Variants in SH3GL3 observed in about 807,000 individuals in gnomAD.
SH3GL3 encodes the protein SH3 domain containing GRB2 like 3, endophilin A3, also known as endophilin-A3.
In SH3GL3, 33 loss-of-function variants were observed where a neutral mutation model predicts 47.7. The ratio of observed to expected loss-of-function variants is 0.69; its 90% CI spans 0.52 to 0.92. The LOEUF (loss-of-function observed/expected upper bound fraction) is 0.92, where lower values mean the gene tolerates loss of function less well. Ranked by LOEUF, SH3GL3 falls within the 40% of genes least tolerant of loss-of-function variation. The pLI is 0.00. For synonymous variants in SH3GL3, 155 were observed against 148.8 expected, an observed-to-expected ratio of 1.04 and a Z score of -0.30; for missense variants, 363 against 417.8, an observed-to-expected ratio of 0.87 and a Z score of 1.14.
intron 2 of SH3GL3, among the ~76,000 whole-genome samples, chr15:83,562,067 ACACACACACACACACT>A (rs1259721780): frequency 1.1e-4 from 15 of 137,580 alleles, no homozygotes; most frequent in Non-Finnish European, 2.2e-4. Flanking sequence ...ACACACACAC[ACACACACACACACACT>A]ATAGTGTCCC....
chr15:83,483,944 C>A (rs886087101), intron 1 of SH3GL3, among the ~76,000 whole-genome samples: 1 of 152,178 alleles, frequency 6.6e-6, no homozygotes, highest in African/African-American at 2.4e-5. Flanking sequence ...AGTCCTATGG[C>A]CATTCCAGGG....
intron 1 of SH3GL3, among the ~76,000 whole-genome samples, chr15:83,538,305 A>C (rs2044012726): frequency 6.6e-6 from 1 of 152,234 alleles, no homozygotes; most frequent in Non-Finnish European, 1.5e-5. Flanking sequence ...GGATAAATGC[A>C]ATCAATGTAA....
At chr15:83,606,431 C>T (rs1398489696) in intron 8 of SH3GL3, among the ~76,000 whole-genome samples, 1 of 152,116 alleles carries the variant, frequency 6.6e-6, no homozygotes, top group Non-Finnish European at 1.5e-5. Flanking sequence ...GAACACTTTG[C>T]AAATAGAAAT....
intron 1 of SH3GL3, among the ~76,000 whole-genome samples, chr15:83,450,877 C>T (rs1464777823): frequency 8.5e-6 from 1 of 118,078 alleles, no homozygotes; most frequent in Non-Finnish European, 1.7e-5. Context: ...CATATGTATA[C>T]ATGTGCCATG....
chr15:83,629,559 C>T, the SH3GL3 span, among the ~76,000 whole-genome samples: 1 of 152,114 alleles, frequency 6.6e-6, no homozygotes, highest in East Asian at 1.9e-4. Flanking sequence ...GTGGCTAATC[C>T]CTGTAAACCC....
intron 1 of SH3GL3, among the ~76,000 whole-genome samples, chr15:83,547,493 C>G (rs574809633): frequency 6.6e-6 from 1 of 152,360 alleles, no homozygotes; most frequent in South Asian, 2.1e-4. Context: ...TTCCTATCCT[C>G]TTCAGTGCCT....
At chr15:83,493,814 G>A (rs2041975716) in intron 1 of SH3GL3, among the ~76,000 whole-genome samples, 1 of 152,194 alleles carries the variant, frequency 6.6e-6, no homozygotes, top group Admixed American at 6.5e-5. Flanking sequence ...CCAGGTTGTG[G>A]GCCTTCTCCT....
At chr15:83,587,525 TAAAAAAAAAAAAA>T (rs35935527) in intron 7 of SH3GL3, among the ~76,000 whole-genome samples, 1 of 105,032 alleles carries the variant, frequency 9.5e-6, no homozygotes, top group African/African-American at 3.6e-5. Flanking sequence ...TAAATATCTG[TAAAAAAAAAAAAA>T]AAAAAAAAAG....
intron 1 of SH3GL3, chr15:83,489,363 C>T (rs74024503): frequency 6.6e-6 from 1 of 152,298 alleles, no homozygotes; most frequent in African/African-American, 2.4e-5. Context: ...TGCTGTGACC[C>T]TCCACTTCTC....
chr15:83,632,904 G>T, the SH3GL3 span, among the ~76,000 whole-genome samples: 30 of 152,226 alleles, frequency 2.0e-4, no homozygotes, highest in African/African-American at 5.3e-4. Flanking sequence ...GGAGAGACAC[G>T]CCACAAAAGA....
At chr15:83,453,573 A>G (rs1257423132) in intron 1 of SH3GL3, among the ~76,000 whole-genome samples, 4 of 151,824 alleles carry the variant, frequency 2.6e-5, no homozygotes, top group South Asian at 2.1e-4. Context: ...CATTTCTTCT[A>G]GATTTTCTGA....
At chr15:83,591,394 A>G (rs2060092798) in intron 8 of SH3GL3, among the ~76,000 whole-genome samples, 1 of 151,940 alleles carries the variant, frequency 6.6e-6, no homozygotes, top group African/African-American at 2.4e-5. Context: ...ATGGATGTCC[A>G]ATTGCCCTTT....
intron 1 of SH3GL3, among the ~76,000 whole-genome samples, chr15:83,466,805 A>T (rs2040589733): frequency 6.6e-6 from 1 of 152,162 alleles, no homozygotes; most frequent in Non-Finnish European, 1.5e-5. Context: ...ATTGCTTGTG[A>T]TGTTGAATAG....
At chr15:83,586,475 C>T (rs958253982) in intron 6 of SH3GL3, among the ~76,000 whole-genome samples, 21 of 152,286 alleles carry the variant, frequency 1.4e-4, no homozygotes, top group Admixed American at 1.3e-3. Context: ...ACAGGGAAAT[C>T]TTTGCCCCAG....
chr15:83,607,109 G>A (rs1010945980), intron 8 of SH3GL3, among the ~76,000 whole-genome samples: 2 of 152,120 alleles, frequency 1.3e-5, no homozygotes, highest in Non-Finnish European at 2.9e-5. Context: ...GTTTTGAAAA[G>A]CCGTAAGACA....
At chr15:83,552,393 T>C (rs544077971) in intron 1 of SH3GL3, among the ~76,000 whole-genome samples, 2 of 152,366 alleles carry the variant, frequency 1.3e-5, no homozygotes, top group Admixed American at 1.3e-4. Context: ...TGGGGTTTTC[T>C]TTTTAATCTG....
At position 83,484,842 on chromosome 15, in the gene SH3GL3, A is replaced by G. The variant is rs536971758; in HGVS notation, c.45+37264A>G. On this transcript the variant is annotated intron_variant, in intron 1 of 8. Coordinates refer to ENST00000427482, the MANE Select transcript of SH3GL3 (RefSeq NM_003027.5). The stretch of plus-strand genomic sequence containing the variant: ...ATACGTTCTTCAAGAAGCATACACC[A>G]TATGTTTTCTGAGACTTTGCATATT... Among the ~76,000 whole-genome samples, 8 of 152,292 alleles carry G rather than the reference A, an allele frequency of 5.3e-5. No homozygotes were observed. The Middle Eastern group carries it at 0.014, about 259-fold the overall frequency.
chr15:83,548,904 G>A (rs2044531721), intron 1 of SH3GL3, among the ~76,000 whole-genome samples: 1 of 151,966 alleles, frequency 6.6e-6, no homozygotes, highest in African/African-American at 2.4e-5. Flanking sequence ...ATACACTTGT[G>A]TTAAGGTATT....
At position 83,550,441 on chromosome 15, in the gene SH3GL3, A is replaced by T. The variant is rs976537159; in HGVS notation, c.46-8812A>T. ...AGTCTTGCTCTGTCACCCAGGCTGG[A>T]GTGCAGTGGTGTGATTTCAACTCAC... is the stretch of plus-strand genomic sequence containing the variant. On this transcript the variant is annotated intron_variant, in intron 1 of 8. Coordinates refer to ENST00000427482, the MANE Select transcript of SH3GL3 (RefSeq NM_003027.5). 3.3e-5 allele frequency among the ~76,000 whole-genome samples: 5 copies of T among 152,244 alleles called. No individual in the cohort carries two copies. The South Asian group carries it at 6.2e-4, about 19-fold the overall frequency.
Sources: gnomAD v4.1 joint callset for allele counts (sites outside exome capture counted in the v4.1 genomes callset) on GRCh38, gnomAD v4.1.1 for gene constraint, MANE v1.5 for transcripts, NCBI Gene and HGNC (gene_info 2026-07-23, HGNC 2026-07-21) for gene names.